Variants in NEU3 observed in about 807,000 individuals in gnomAD.
NEU3 encodes neuraminidase 3.
NEU3 carries 10 observed loss-of-function variants against 11.4 expected under a neutral mutation model. The observed-to-expected ratio is 0.88, with a 90% CI of 0.54 to 1.49. NEU3 has a LOEUF of 1.49. NEU3 is among the 40% of genes most tolerant of loss of function. The probability of loss-of-function intolerance (pLI) is 0.00; values close to 1 mark genes in which losing one functional copy is unlikely to be tolerated. For synonymous variants in NEU3, 212 were observed against 228.2 expected (o/e 0.93, Z 0.64); for missense variants, 529 against 581.8 (o/e 0.91, Z 0.93).
rs369416436 is a variant in NEU3 at position 75,006,319 on chromosome 11, G to A, written c.1213G>A (p.Asp405Asn). Residue 405 changes from aspartate (D) to asparagine (N), a missense_variant, in exon 3 of 3, where the codon GAT (aspartate) becomes AAT (asparagine). Transcript: ENST00000294064. The part of the protein sequence containing the change: ...ILHCGPCGYS[D>N]LAALEEEGLF... ...GCACTGTGGGCCCTGTGGCTACTCT[G>A]ATCTGGCTGCTCTGGAGGAGGAGGG... 1.9e-5 allele frequency: 30 copies of A among 1,613,878 alleles called. No homozygotes were observed. The South Asian group carries it at 3.1e-4, about 17-fold the overall frequency.
downstream of NEU3, among the ~76,000 whole-genome samples, chr11:75,019,195 A>G (rs1948992548): frequency 6.6e-6 from 1 of 152,248 alleles, no homozygotes; most frequent in Non-Finnish European, 1.5e-5. Flanking sequence ...TTTGATAAAA[A>G]AGAAAATCCC....
intron 2 of NEU3, among the ~76,000 whole-genome samples, chr11:74,999,978 G>A (rs1002382436): frequency 2.0e-5 from 3 of 152,164 alleles, no homozygotes; most frequent in African/African-American, 7.2e-5. Context: ...TGTGATTACT[G>A]TCGTTGGGAT....
chr11:74,987,898 C>CTTTTTTT (rs58508078), upstream of NEU3, among the ~76,000 whole-genome samples: 1 of 22,330 alleles, frequency 4.5e-5, no homozygotes, highest in African/African-American at 9.8e-5. Flanking sequence ...TTTTTTTTTT[C>CTTTTTTT]TTTTTTTTTT....
Position 75,006,458 on chromosome 11 carries a change from C to A in NEU3, c.1352C>A (p.Pro451His), listed in dbSNP as rs771153617. Residue 451 changes from proline (P) to histidine (H), a missense_variant, in exon 3 of 3, where the codon CCT becomes CAT. Physicochemically the swap from Pro to His is moderately conservative, Grantham distance 77 (BLOSUM62 -2). Coordinates refer to ENST00000294064, the MANE Select transcript of NEU3 (RefSeq NM_006656.6). ...CACCTGCAGGGGGACTGCACCAGCC[C>A]TGGTAGGAACCCAAGCCAATTCAAA... ...LSHLQGDCTSPGRNPSQFKSN is the reference protein window; with the variant it reads ...LSHLQGDCTSHGRNPSQFKSN The A allele has an allele frequency of 6.2e-7, 1 of 1,613,200 alleles. No individual in the cohort carries two copies. The highest frequency in any genetic ancestry group is 1.3e-5 in the African/African-American group (1 of 74,896).
At chr11:75,010,958 A>T (rs552036581), downstream of NEU3, 2 of 152,174 alleles carry the variant, frequency 1.3e-5, no homozygotes, top group African/African-American at 4.8e-5. Flanking sequence ...ACTAATATCT[A>T]GTTTGTACCC....
At chr11:74,991,235 G>A (rs1022162753) in intron 1 of NEU3, among the ~76,000 whole-genome samples, 90 of 152,288 alleles carry the variant, frequency 5.9e-4, no homozygotes, top group African/African-American at 2.1e-3. Context: ...AGAGAAGTAT[G>A]CTCTAGTATT....
chr11:75,001,561 G>T (rs1352969963), intron 2 of NEU3, among the ~76,000 whole-genome samples: 1 of 152,100 alleles, frequency 6.6e-6, no homozygotes, highest in Non-Finnish European at 1.5e-5. Flanking sequence ...AGGATTACAG[G>T]CATAAGCCAC....
upstream of NEU3, among the ~76,000 whole-genome samples, chr11:74,985,648 T>C (rs1470841282): frequency 3.3e-5 from 5 of 152,174 alleles, no homozygotes; most frequent in African/African-American, 4.8e-5. Context: ...TTCGATAAAA[T>C]AAGGACACAT....
At chr11:74,984,327 G>C (rs1377151924), upstream of NEU3, among the ~76,000 whole-genome samples, 1 of 152,166 alleles carries the variant, frequency 6.6e-6, no homozygotes, top group Non-Finnish European at 1.5e-5. Flanking sequence ...GAAGATTCAG[G>C]TTCCCTAACC....
At chr11:74,990,317 G>A (rs1948716153) in intron 1 of NEU3, among the ~76,000 whole-genome samples, 1 of 152,038 alleles carries the variant, frequency 6.6e-6, no homozygotes. Context: ...CATGTGACAA[G>A]TTGTGCTTCT....
intron 1 of NEU3, among the ~76,000 whole-genome samples, chr11:74,993,991 G>A (rs991083663): frequency 6.6e-6 from 1 of 151,926 alleles, no homozygotes; most frequent in Non-Finnish European, 1.5e-5. Flanking sequence ...AGTTTTAGAG[G>A]GGACAAATAT....
At chr11:74,995,037 C>T in intron 2 of NEU3, 3 of 577,846 alleles carry the variant, frequency 5.2e-6, no homozygotes, top group Non-Finnish European at 6.2e-6. Flanking sequence ...GTTTCAAACT[C>T]AGTCGCTGAC....
rs1948911802 is a variant in NEU3, at chr11:75,007,622, C to T, written c.*1130C>T. On this transcript the variant is annotated 3_prime_UTR_variant, in exon 3 of 3. Transcript: ENST00000294064. ...ACCATTAGGAAGATCTCTAGACCCC[C>T]AGATCTCAGAATCAGGCCTATTTGT... 6.6e-6 allele frequency: 1 copy of T among 152,154 alleles called. No homozygotes were observed. Among genetic ancestry groups the T allele is most frequent in the African/African-American group, 2.4e-5 (1 of 41,418 alleles). 9.4% of individuals were successfully genotyped at this position (152,154 alleles called of 1,614,324 possible).
the NEU3 span, among the ~76,000 whole-genome samples, chr11:74,982,810 G>A: frequency 6.6e-6 from 1 of 152,154 alleles, no homozygotes; most frequent in African/African-American, 2.4e-5. Context: ...TGAAGGAAGA[G>A]GCAACACTGT....
At chr11:75,016,403 C>A (rs1418607315) in intron 3 of NEU3, among the ~76,000 whole-genome samples, 1 of 152,160 alleles carries the variant, frequency 6.6e-6, no homozygotes, top group East Asian at 1.9e-4. Flanking sequence ...AGCTGCAGTG[C>A]CCTTCTTGCT....
intron 1 of NEU3, among the ~76,000 whole-genome samples, chr11:74,989,425 G>A (rs945647497): frequency 6.6e-6 from 1 of 152,172 alleles, no homozygotes; most frequent in African/African-American, 2.4e-5. Context: ...GTCTCTGGGC[G>A]GCAGAAAGAG....
upstream of NEU3, among the ~76,000 whole-genome samples, chr11:74,986,324 G>A (rs1205327127): frequency 6.6e-6 from 1 of 152,154 alleles, no homozygotes; most frequent in Non-Finnish European, 1.5e-5. Flanking sequence ...GGATTCCTTG[G>A]TGGGAGAGGA....
chr11:74,998,398 G>A (rs1948813431), intron 2 of NEU3, among the ~76,000 whole-genome samples: 1 of 152,114 alleles, frequency 6.6e-6, no homozygotes, highest in Non-Finnish European at 1.5e-5. Context: ...AGAGCAAAGT[G>A]CAATAAAATC....
rs1184665875 is a variant in NEU3 at position 75,005,654 on chromosome 11, G to A, written c.548G>A (p.Gly183Asp). 6.2e-7 allele frequency: 1 copy of A among 1,614,002 alleles called. No individual in the cohort carries two copies. The highest frequency in any genetic ancestry group is 8.5e-7 in the Non-Finnish European group (1 of 1,179,898). ...EVRDLTEEVI[G>D]SELKHWATFA... ...AGGGACTTGACTGAGGAGGTCATTG[G>A]CTCAGAGCTGAAGCACTGGGCCACA... Residue 183 changes from glycine (G) to aspartate (D), a missense_variant, in exon 3 of 3, where the codon GGC becomes GAC. Coordinates refer to ENST00000294064, the MANE Select transcript of NEU3 (RefSeq NM_006656.6).
Sources: allele counts gnomAD v4.1 joint callset (sites outside exome capture counted in the v4.1 genomes callset), GRCh38; gene constraint gnomAD v4.1.1; transcripts MANE v1.5; gene names NCBI Gene and HGNC (gene_info 2026-07-23, HGNC 2026-07-21).